Variants in TGFBRAP1 observed in about 807,000 individuals in gnomAD.
The protein encoded by TGFBRAP1 is transforming growth factor-beta receptor-associated protein 1.
A neutral mutation model predicts 83.2 loss-of-function variants in TGFBRAP1; 20 were observed. The ratio of observed to expected loss-of-function variants is 0.24; its 90% CI spans 0.17 to 0.35. The LOEUF is 0.35. TGFBRAP1 is among the 10% of genes least tolerant of loss of function. The pLI is 1.00. For missense variants in TGFBRAP1, 950 were observed against 1,099.4 expected (o/e 0.86, Z 1.92); for synonymous variants, 415 against 459.8 (o/e 0.90, Z 1.25).
intron 8 of TGFBRAP1, 24 bp from the exon 9 acceptor site, chr2:105,273,714 T>A (rs746882775): frequency 6.2e-7 from 1 of 1,609,412 alleles, no homozygotes; most frequent in Non-Finnish European, 8.5e-7. Flanking sequence ...GACAATACAG[T>A]GACTGTGCTT....
chr2:105,271,727 C>A (rs1212679260), intron 10 of TGFBRAP1, among the ~76,000 whole-genome samples: 2 of 152,154 alleles, frequency 1.3e-5, no homozygotes. Flanking sequence ...TCTAGTCAAT[C>A]CTCATTATTT....
At position 105,288,937 on chromosome 2, in the gene TGFBRAP1, T is replaced by C. The variant is rs1677808157; in HGVS notation, c.1039-4539A>G. 2.0e-5 allele frequency among the ~76,000 whole-genome samples: 3 copies of C among 152,318 alleles called. No individual in the cohort carries two copies. The South Asian group carries it at 6.2e-4, about 32-fold the overall frequency. On this transcript the variant is annotated intron_variant, in intron 4 of 11. Transcript: ENST00000393359. ...GGAATCACAATAAGTGTTAGAATAT[T>C]AGAGGCTCTGAAAAAACCTTCAATT...
chr2:105,278,065 T>A (rs1677408491), intron 6 of TGFBRAP1, among the ~76,000 whole-genome samples: 1 of 114,380 alleles, frequency 8.7e-6, no homozygotes, highest in Non-Finnish European at 1.8e-5. Context: ...TCTCAAAAAA[T>A]ATATGTGTGT....
At chr2:105,314,440 C>G (rs1678788669) in intron 1 of TGFBRAP1, among the ~76,000 whole-genome samples, 1 of 151,192 alleles carries the variant, frequency 6.6e-6, no homozygotes, top group Admixed American at 6.6e-5. Flanking sequence ...TTAGTAGAGA[C>G]AGGGTTTCAC....
Position 105,267,166 on chromosome 2 carries a change from T to G in TGFBRAP1, c.*217A>C. On this transcript the variant is annotated 3_prime_UTR_variant, in exon 12 of 12. Coordinates refer to ENST00000393359, the MANE Select transcript of TGFBRAP1 (RefSeq NM_004257.6). ...TTTCTGTTTTGGGGATTTTTAGGGG[T>G]TTTCCATGTACATTCATAGAGCCTG... is the stretch of plus-strand genomic sequence containing the variant. The G allele has an allele frequency of 2.0e-6, 1 of 492,764 alleles. No homozygotes were observed. Among genetic ancestry groups the G allele is most frequent in the Middle Eastern group, 5.3e-4 (1 of 1,888 alleles). The allele number at this position is 492,764 out of a possible 1,614,324, so 30.5% of individuals were successfully genotyped here.
chr2:105,326,557 A>G (rs1679231285), intron 1 of TGFBRAP1, among the ~76,000 whole-genome samples: 1 of 152,134 alleles, frequency 6.6e-6, no homozygotes, highest in African/African-American at 2.4e-5. Context: ...GTCTCTATAG[A>G]AGAATACAAA....
chr2:105,284,329 T>C lies in TGFBRAP1; in HGVS notation c.1108A>G (p.Lys370Glu), dbSNP rs1677642563. 6.2e-7 allele frequency: 1 copy of C among 1,613,120 alleles called. No individual in the cohort carries two copies. Among genetic ancestry groups the C allele is most frequent in the Non-Finnish European group, 8.5e-7 (1 of 1,179,368 alleles). Residue 370 changes from lysine (K) to glutamate (E), a missense_variant, in exon 5 of 12, where the codon AAA (lysine) becomes GAA (glutamate). By Grantham distance (56) the Lys-to-Glu change is moderately conservative. Coordinates refer to ENST00000393359, the MANE Select transcript of TGFBRAP1 (RefSeq NM_004257.6). ...QFAQLQFLEA[K>E]ELFRSGQLDV... ...ACCTCAAATTACCTGAAGAGCTCTT[T>C]AGCTTCCAGGAACTGAAGTTGTGCA...
downstream of TGFBRAP1, among the ~76,000 whole-genome samples, chr2:105,263,935 T>C (rs137922875): frequency 2.9e-3 from 449 of 152,268 alleles, 2 homozygotes; most frequent in Non-Finnish European, 5.3e-3. Flanking sequence ...TGTGTGAACA[T>C]ACCCCTTTCT....
chr2:105,309,450 C>T (rs1181339844), intron 1 of TGFBRAP1, among the ~76,000 whole-genome samples: 6 of 152,230 alleles, frequency 3.9e-5, no homozygotes, highest in Admixed American at 3.9e-4. Context: ...GTTCCTAATA[C>T]TTGGAGGCAT....
At chr2:105,275,204 T>C (rs1677295395) in intron 8 of TGFBRAP1, among the ~76,000 whole-genome samples, 1 of 152,146 alleles carries the variant, frequency 6.6e-6, no homozygotes, top group Admixed American at 6.5e-5. Flanking sequence ...CTAATCCTGC[T>C]CCAGAAAACA....
At chr2:105,253,825 G>T in the TGFBRAP1 span, among the ~76,000 whole-genome samples, 1 of 152,186 alleles carries the variant, frequency 6.6e-6, no homozygotes, top group Non-Finnish European at 1.5e-5. Flanking sequence ...CAAACAACCA[G>T]TGTGTTTATT....
At chr2:105,276,946 C>A (rs1677371527) in intron 7 of TGFBRAP1, among the ~76,000 whole-genome samples, 1 of 152,142 alleles carries the variant, frequency 6.6e-6, no homozygotes, top group Non-Finnish European at 1.5e-5. Context: ...AAAGGCACAT[C>A]AGGAAACAAC....
chr2:105,290,166 A>C (rs1040313225), intron 4 of TGFBRAP1, among the ~76,000 whole-genome samples: 1 of 152,178 alleles, frequency 6.6e-6, no homozygotes, highest in Admixed American at 6.5e-5. Context: ...TCACGGGTTC[A>C]AGTGATTCTT....
intron 3 of TGFBRAP1, among the ~76,000 whole-genome samples, chr2:105,296,872 A>G (rs2104372186): frequency 6.7e-6 from 1 of 149,146 alleles, no homozygotes; most frequent in East Asian, 2.0e-4. Flanking sequence ...AGGGAACATT[A>G]TCAATAAGAA....
intron 4 of TGFBRAP1, among the ~76,000 whole-genome samples, chr2:105,285,403 C>A (rs1677682409): frequency 6.6e-6 from 1 of 152,196 alleles, no homozygotes; most frequent in South Asian, 2.1e-4. Flanking sequence ...ACTCACTATC[C>A]CCATCTTACA....
At chr2:105,299,746 G>A (rs1264512821) in intron 2 of TGFBRAP1, among the ~76,000 whole-genome samples, 2 of 151,806 alleles carry the variant, frequency 1.3e-5, no homozygotes, top group African/African-American at 4.8e-5. Flanking sequence ...ATAAATAAAG[G>A]GCAAAGGATG....
chr2:105,305,210 T>C (rs778436724), intron 2 of TGFBRAP1, among the ~76,000 whole-genome samples: 5 of 152,324 alleles, frequency 3.3e-5, no homozygotes, highest in Non-Finnish European at 7.3e-5. Context: ...AGTCTATTTT[T>C]TTAAAAAGTG....
At chr2:105,261,443 C>T (rs1676784150), downstream of TGFBRAP1, among the ~76,000 whole-genome samples, 1 of 152,064 alleles carries the variant, frequency 6.6e-6, no homozygotes, top group South Asian at 2.1e-4. Flanking sequence ...CTTGTGAAAC[C>T]TAGAGCACAT....
chr2:105,289,829 A>C (rs919097337), intron 4 of TGFBRAP1, among the ~76,000 whole-genome samples: 11 of 152,238 alleles, frequency 7.2e-5, no homozygotes, highest in Non-Finnish European at 1.3e-4. Flanking sequence ...ATAGAATTGT[A>C]AGTTTTAATG....
Sources: allele counts gnomAD v4.1 joint callset (sites outside exome capture counted in the v4.1 genomes callset), GRCh38; gene constraint gnomAD v4.1.1; transcripts MANE v1.5; gene names NCBI Gene and HGNC (gene_info 2026-07-23, HGNC 2026-07-21).